GLG1: variants seen among roughly 807,000 people sequenced by gnomAD.
GLG1 encodes Golgi apparatus protein 1.
In GLG1, 38 loss-of-function variants were observed where a neutral mutation model predicts 160.5. The observed-to-expected ratio is 0.24, with a 90% confidence interval of 0.18 to 0.31. GLG1 has a LOEUF of 0.31. GLG1 is among the 10% of genes least tolerant of loss of function. GLG1 has a pLI of 1.00. For missense variants in GLG1, 1,373 were observed against 1,505.2 expected (o/e 0.91, Z 1.45); for synonymous variants, 644 against 543.4 (o/e 1.19, Z -2.57).
chr16:74,493,716 G>A (rs1260731066), intron 6 of GLG1, among the ~76,000 whole-genome samples: 1 of 152,132 alleles, frequency 6.6e-6, no homozygotes, highest in Non-Finnish European at 1.5e-5. Flanking sequence ...CATTCATTCA[G>A]GGACAAAGAA....
intron 3 of GLG1, among the ~76,000 whole-genome samples, chr16:74,506,773 A>G (rs536778706): frequency 6.6e-6 from 1 of 152,190 alleles, no homozygotes; most frequent in African/African-American, 2.4e-5. Flanking sequence ...AGAAGTTTGC[A>G]TGTTTCTTCA....
In GLG1 at chr16:74,604,904, C is replaced by G. The variant is rs1958529409; in HGVS notation, c.438+1753G>C. Among the ~76,000 whole-genome samples the G allele has an allele frequency of 2.6e-5, 4 of 152,204 alleles. No homozygotes were observed. The South Asian group carries it at 8.3e-4, about 32-fold the overall frequency. ...TCTCTACTAAAAATACAAAAATTAGCTGGGCGTGGTGGCGCTCGCCTGTAG... is the reference window on the plus strand; with the variant it reads ...TCTCTACTAAAAATACAAAAATTAGGTGGGCGTGGTGGCGCTCGCCTGTAG... On this transcript the variant is annotated intron_variant, in intron 1 of 25. Coordinates refer to ENST00000422840, the MANE Select transcript of GLG1 (RefSeq NM_001145667.2).
intron 11 of GLG1, among the ~76,000 whole-genome samples, chr16:74,478,008 A>ATAAATAAATAAG (rs1555508282): frequency 5.7e-4 from 86 of 151,658 alleles, no homozygotes; most frequent in African/African-American, 1.9e-3. Context: ...AAATAAATAA[A>ATAAATAAATAAG]TAAATAAAAT....
At chr16:74,493,705 G>C (rs2016083739) in intron 6 of GLG1, among the ~76,000 whole-genome samples, 1 of 152,160 alleles carries the variant, frequency 6.6e-6, no homozygotes, top group South Asian at 2.1e-4. Flanking sequence ...AACTATTCTT[G>C]CATTCATTCA....
intron 11 of GLG1, among the ~76,000 whole-genome samples, chr16:74,478,739 C>A (rs774206335): frequency 2.6e-5 from 4 of 151,502 alleles, no homozygotes; most frequent in Non-Finnish European, 4.4e-5. Flanking sequence ...TGGAGAAACC[C>A]CATCTCTACT....
At chr16:74,471,478 G>A (rs1188666553) in intron 14 of GLG1, among the ~76,000 whole-genome samples, 192 bp from the exon 15 acceptor site, 1 of 152,096 alleles carries the variant, frequency 6.6e-6, no homozygotes, top group Non-Finnish European at 1.5e-5. Context: ...AACTAACACA[G>A]CACTGTGTTC....
intron 1 of GLG1, among the ~76,000 whole-genome samples, chr16:74,585,382 C>T (rs1958025266): frequency 6.6e-6 from 1 of 152,056 alleles, no homozygotes; most frequent in African/African-American, 2.4e-5. Flanking sequence ...GCACTGCAGC[C>T]TGGGCAACAG....
intron 1 of GLG1, among the ~76,000 whole-genome samples, chr16:74,587,751 G>C (rs1241771298): frequency 6.6e-6 from 1 of 152,092 alleles, no homozygotes; most frequent in African/African-American, 2.4e-5. Context: ...CTGTAGTCCG[G>C]AGGCTGAGGC....
chr16:74,583,735 T>C (rs1488474103), intron 1 of GLG1, among the ~76,000 whole-genome samples: 22 of 152,064 alleles, frequency 1.4e-4, no homozygotes, highest in Non-Finnish European at 8.8e-5. Context: ...AGCTCAATCA[T>C]CATCTTCTCA....
intron 3 of GLG1, among the ~76,000 whole-genome samples, chr16:74,505,088 T>C (rs935973847): frequency 2.6e-5 from 4 of 152,200 alleles, no homozygotes; most frequent in Admixed American, 2.0e-4. Context: ...TTGAATGCAA[T>C]AGAGAGCATT....
chr16:74,463,267 G>T, intron 20 of GLG1, 89 bp downstream of exon 20: 2 of 1,293,464 alleles, frequency 1.5e-6, no homozygotes, highest in Non-Finnish European at 2.2e-6. Flanking sequence ...AGGCAACAAA[G>T]CCCTGGGAGT....
chr16:74,532,604 G>A (rs1445204562), intron 1 of GLG1, among the ~76,000 whole-genome samples: 1 of 151,960 alleles, frequency 6.6e-6, no homozygotes, highest in Admixed American at 6.6e-5. Flanking sequence ...GCTCATGGCA[G>A]CCTCAACCTC....
intron 14 of GLG1, among the ~76,000 whole-genome samples, chr16:74,472,042 C>T (rs1229907121): frequency 6.6e-6 from 1 of 152,086 alleles, no homozygotes; most frequent in Non-Finnish European, 1.5e-5. Context: ...GTAACTGGAA[C>T]TACAGGTGTG....
intron 8 of GLG1, 93 bp downstream of exon 8, chr16:74,490,907 AT>A: frequency 4.9e-6 from 4 of 816,964 alleles, no homozygotes; most frequent in Non-Finnish European, 8.3e-6. Context: ...GATACCACAG[AT>A]GATCCATATA....
chr16:74,477,779 G>A (rs1174075193), intron 11 of GLG1, among the ~76,000 whole-genome samples: 1 of 151,906 alleles, frequency 6.6e-6, no homozygotes, highest in Non-Finnish European at 1.5e-5. Flanking sequence ...TTTGAGACCA[G>A]CCTGACCTAC....
chr16:74,456,869 A>C, intron 24 of GLG1, 114 bp from the exon 25 acceptor site: 1 of 711,352 alleles, frequency 1.4e-6, no homozygotes, highest in South Asian at 1.6e-5. Context: ...CTGCAGGCTC[A>C]ACAAAGTTAA....
chr16:74,507,721 G>A (rs939921262), intron 3 of GLG1, among the ~76,000 whole-genome samples: 2 of 151,666 alleles, frequency 1.3e-5, no homozygotes, highest in African/African-American at 4.8e-5. Flanking sequence ...GGGCGACAGA[G>A]CAAGACTCCA....
At chr16:74,540,669 T>C (rs2017836565) in intron 1 of GLG1, among the ~76,000 whole-genome samples, 1 of 151,602 alleles carries the variant, frequency 6.6e-6, no homozygotes, top group Admixed American at 6.6e-5. Context: ...CCCTAGGAGA[T>C]GACTTAGAAA....
At chr16:74,577,048 G>A (rs9319469) in intron 1 of GLG1, among the ~76,000 whole-genome samples, 148,912 of 152,148 alleles carry the variant, frequency 0.98, 72,887 homozygotes, top group East Asian at 1. Flanking sequence ...CAGCCTTCCA[G>A]GCAACTAGCA....
Sources: gnomAD v4.1 joint callset for allele counts (sites outside exome capture counted in the v4.1 genomes callset) on GRCh38, gnomAD v4.1.1 for gene constraint, MANE v1.5 for transcripts, NCBI Gene and HGNC (gene_info 2026-07-23, HGNC 2026-07-21) for gene names.